Variants in TRANK1 observed in about 807,000 individuals in gnomAD.
TRANK1 encodes TPR and ankyrin repeat-containing protein 1.
A neutral mutation model predicts 266.0 loss-of-function variants in TRANK1; 198 were observed. The ratio of observed to expected loss-of-function variants is 0.74; its 90% CI spans 0.66 to 0.84. The LOEUF is 0.84. Among genes scored for constraint, TRANK1 ranks in the 40% least tolerant of loss-of-function variants. TRANK1 has a pLI of 0.00. For synonymous variants in TRANK1, 1,396 were observed against 1,384.1 expected, an observed-to-expected ratio of 1.01 and a Z score of -0.19; for missense variants, 3,326 against 3,634.6, an observed-to-expected ratio of 0.92 and a Z score of 2.18.
chr3:36,866,958 A>G (rs2079236469), intron 9 of TRANK1, among the ~76,000 whole-genome samples: 1 of 152,180 alleles, frequency 6.6e-6, no homozygotes, highest in Admixed American at 6.5e-5. Flanking sequence ...TGCCCACTCT[A>G]ATCAAGAGAC....
At chr3:36,874,026 GTGTA>G in intron 9 of TRANK1, 96 bp downstream of exon 9, 1 of 982,366 alleles carries the variant, frequency 1.0e-6, no homozygotes, top group Non-Finnish European at 1.4e-6. Context: ...ATATATGTGT[GTGTA>G]TATATATATA....
intron 11 of TRANK1, among the ~76,000 whole-genome samples, chr3:36,859,132 T>A (rs1298026471): frequency 1.3e-5 from 2 of 152,028 alleles, no homozygotes; most frequent in Non-Finnish European, 2.9e-5. Flanking sequence ...CCTCTCCAGC[T>A]CCCCACCACA....
chr3:36,847,053 C>T lies in TRANK1; in HGVS notation c.5034+147G>A, dbSNP rs1324346314. ...AATGGAATTTACCAAAACTGAGATC[C>T]CTGCCCCTTCCTTTCTTATCCTCAA... On this transcript the variant is annotated intron_variant, in intron 16 of 23. Transcript: ENST00000645898. 5.1e-6 allele frequency: 5 copies of T among 972,196 alleles called. No individual in the cohort carries two copies. The South Asian group carries it at 8.3e-5, about 16-fold the overall frequency. 60.2% of individuals were successfully genotyped at this position (972,196 alleles called of 1,614,324 possible). A position where few individuals can be genotyped will look rare whatever the true frequency, so the allele number is the denominator to read the frequency against.
intron 17 of TRANK1, among the ~76,000 whole-genome samples, chr3:36,843,151 T>C (rs1360808924): frequency 1.3e-5 from 2 of 152,168 alleles, no homozygotes; most frequent in African/African-American, 2.4e-5. Context: ...TAGTATTCTG[T>C]TATGGCAGTC....
intron 4 of TRANK1, among the ~76,000 whole-genome samples, chr3:36,896,526 G>GGTAA (rs2079792793): frequency 6.6e-6 from 1 of 152,166 alleles, no homozygotes; most frequent in Non-Finnish European, 1.5e-5. Flanking sequence ...TTCCAAAAAG[G>GGTAA]AGTACTTTGG....
At chr3:36,861,675 T>C (rs1219106340) in intron 10 of TRANK1, among the ~76,000 whole-genome samples, 2 of 151,802 alleles carry the variant, frequency 1.3e-5, no homozygotes, top group East Asian at 1.9e-4. Flanking sequence ...TCCCACTTCA[T>C]ACTGTTGGTG....
intron 1 of TRANK1, among the ~76,000 whole-genome samples, chr3:36,916,515 G>A (rs1013834293): frequency 7.2e-5 from 11 of 152,214 alleles, no homozygotes; most frequent in Non-Finnish European, 1.2e-4. Context: ...AGCCAAGATC[G>A]TGCCACTGCA....
At chr3:36,938,632 A>G (rs1366511704) in intron 1 of TRANK1, among the ~76,000 whole-genome samples, 1 of 151,792 alleles carries the variant, frequency 6.6e-6, no homozygotes, top group Non-Finnish European at 1.5e-5. Context: ...ATTTATCCAC[A>G]CTCCCAGCCT....
At chr3:36,896,950 C>T (rs536590950) in intron 4 of TRANK1, among the ~76,000 whole-genome samples, 8 of 151,590 alleles carry the variant, frequency 5.3e-5, no homozygotes, top group South Asian at 4.2e-4. Flanking sequence ...GCAGAGATCG[C>T]GCCATTGCAC....
chr3:36,830,130 C>G (rs572305403), intron 22 of TRANK1, among the ~76,000 whole-genome samples: 2 of 152,282 alleles, frequency 1.3e-5, no homozygotes, highest in African/African-American at 4.8e-5. Context: ...GCCTGGCCAA[C>G]ATGGTGAAAC....
chr3:36,890,834 G>A (rs1015605408), intron 7 of TRANK1, among the ~76,000 whole-genome samples: 6 of 152,048 alleles, frequency 3.9e-5, no homozygotes, highest in Admixed American at 6.6e-5. Flanking sequence ...TGATTAAAAC[G>A]TACCACCTTG....
chr3:36,888,815 G>A (rs542865366), intron 8 of TRANK1, among the ~76,000 whole-genome samples: 1 of 152,294 alleles, frequency 6.6e-6, no homozygotes, highest in Non-Finnish European at 1.5e-5. Flanking sequence ...CCAGTACTTT[G>A]GGAGGCCGAG....
Position 36,832,262 on chromosome 3 carries a change from A to G in TRANK1, c.7321T>C (p.Cys2441Arg). The change falls in exon 22 of 24, where the codon TGC (cysteine) becomes CGC (arginine). Residue 2441 changes from cysteine to arginine, a missense_variant. Coordinates refer to ENST00000645898, the MANE Select transcript of TRANK1 (RefSeq NM_001329998.2). Reference protein sequence around the residue: ...FRFMNVLIKRCKEPLIPSIGN... With the variant: ...FRFMNVLIKRRKEPLIPSIGN... Reference sequence around the variant, plus strand: ...ATGCTGGGGATGAGTGGTTCTTTGCACCTCTTGATGAGGACATTCATGAAA... The same window carrying G: ...ATGCTGGGGATGAGTGGTTCTTTGCGCCTCTTGATGAGGACATTCATGAAA... 1 of 1,613,844 alleles carries G rather than the reference A, an allele frequency of 6.2e-7. No individual in the cohort carries two copies. The highest frequency in any genetic ancestry group is 1.7e-5 in the Admixed American group (1 of 60,004).
At position 36,855,753 on chromosome 3, in the gene TRANK1, A is replaced by G. The variant is rs2079042866; in HGVS notation, c.3969T>C (p.Phe1323=). ...GCCATATTTCATTTTTGAACACCTC[A>G]AACGTCACGTACACCCGGGGGTCAC... ...GDSDPRVYVT[F]EVFKNEIWPK... is the part of the protein sequence containing the mutation. Residue 1323 remains phenylalanine, a synonymous_variant, in exon 13 of 24, where the codon TTT becomes TTC. Coordinates refer to ENST00000645898, the MANE Select transcript of TRANK1 (RefSeq NM_001329998.2). 1 of 1,613,482 alleles carries G rather than the reference A, an allele frequency of 6.2e-7. No homozygotes were observed. Among genetic ancestry groups the G allele is most frequent in the African/African-American group, 1.3e-5 (1 of 74,846 alleles).
intron 3 of TRANK1, among the ~76,000 whole-genome samples, chr3:36,902,231 A>C (rs1236258576): frequency 6.6e-6 from 1 of 152,242 alleles, no homozygotes; most frequent in African/African-American, 2.4e-5. Context: ...GTTCTAAAAT[A>C]TTCATCTTCC....
At chr3:36,924,750 A>G (rs1452091490) in intron 1 of TRANK1, among the ~76,000 whole-genome samples, 1 of 152,150 alleles carries the variant, frequency 6.6e-6, no homozygotes, top group Non-Finnish European at 1.5e-5. Context: ...CCAGGCCACT[A>G]AAAGGCAAAG....
chr3:36,942,505 AAG>A (rs1423216409), intron 1 of TRANK1, among the ~76,000 whole-genome samples: 5 of 150,644 alleles, frequency 3.3e-5, no homozygotes, highest in Non-Finnish European at 7.4e-5. Context: ...AAAAAAAAAA[AAG>A]AACAGGAGCT....
At chr3:36,910,684 G>A (rs2125634739) in intron 1 of TRANK1, among the ~76,000 whole-genome samples, 1 of 152,206 alleles carries the variant, frequency 6.6e-6, no homozygotes, top group Non-Finnish European at 1.5e-5. Context: ...AGGTTGCAGT[G>A]AGCCAAGATC....
intron 8 of TRANK1, among the ~76,000 whole-genome samples, chr3:36,878,594 A>G (rs1336096364): frequency 6.6e-6 from 1 of 152,122 alleles, no homozygotes; most frequent in Non-Finnish European, 1.5e-5. Flanking sequence ...GAAACAACAG[A>G]CACTAGGGCC....
Sources: gnomAD v4.1 joint callset for allele counts (sites outside exome capture counted in the v4.1 genomes callset) on GRCh38, gnomAD v4.1.1 for gene constraint, MANE v1.5 for transcripts, NCBI Gene and HGNC (gene_info 2026-07-23, HGNC 2026-07-21) for gene names.